The following GPR158 variants were observed in gnomAD, a reference collection of about 807,000 sequenced individuals.
GPR158 encodes metabotropic glycine receptor.
In GPR158, 30 loss-of-function variants were observed where a neutral mutation model predicts 78.2. That is an observed-to-expected ratio of 0.38 (90% CI 0.29 to 0.52). The LOEUF (loss-of-function observed/expected upper bound fraction) is 0.52. Among genes scored for constraint, GPR158 ranks in the 20% least tolerant of loss-of-function variants. GPR158 has a pLI of 0.83. For synonymous variants in GPR158, 581 were observed against 591.1 expected (o/e 0.98, Z 0.25); for missense variants, 1,463 against 1,523.5 (o/e 0.96, Z 0.66).
chr10:25,558,967 A>C (rs949398772), intron 6 of GPR158, among the ~76,000 whole-genome samples: 1 of 152,070 alleles, frequency 6.6e-6, no homozygotes, highest in Non-Finnish European at 1.5e-5. Flanking sequence ...GTTTTCTTCT[A>C]TTTGGGAGTT....
intron 2 of GPR158, among the ~76,000 whole-genome samples, chr10:25,292,780 T>C (rs1854458745): frequency 6.6e-6 from 1 of 152,162 alleles, no homozygotes; most frequent in Admixed American, 6.5e-5. Context: ...GAGAAATTTA[T>C]TTCTTAGAAA....
intron 8 of GPR158, among the ~76,000 whole-genome samples, chr10:25,591,090 T>A (rs913816377): frequency 6.6e-6 from 1 of 152,138 alleles, no homozygotes; most frequent in Non-Finnish European, 1.5e-5. Context: ...CCAATCATGC[T>A]ACCCAAAGAT....
Position 25,598,689 on chromosome 10 carries a change from A to G in GPR158, c.3063A>G (p.Ser1021=). Residue 1021 remains serine (S), a synonymous_variant, in exon 11 of 11, where the codon TCA becomes TCG. Coordinates refer to ENST00000376351, the MANE Select transcript of GPR158 (RefSeq NM_020752.3). ...ACCTGACCCCTGGTCCTGTGCCTTC[A>G]GAATCAAAAGTTCAAAAGCACGTAT... ...VYDLTPGPVP[S]ESKVQKHVSI... 3.1e-6 allele frequency: 5 copies of G among 1,614,054 alleles called. No individual in the cohort carries two copies. The highest frequency in any genetic ancestry group is 1.1e-5 in the South Asian group (1 of 91,080).
rs138436327 is a variant in GPR158 at position 25,409,042 on chromosome 10, T to A, written c.1112-3208T>A. On this transcript the variant is annotated intron_variant, in intron 3 of 10. Coordinates refer to ENST00000376351, the MANE Select transcript of GPR158 (RefSeq NM_020752.3). ...CACGTTTTCCCCTTTATCTCCATGATTGACTCAGATTCAAGAAGTCCCTGG... is the reference window on the plus strand; with the variant it reads ...CACGTTTTCCCCTTTATCTCCATGAATGACTCAGATTCAAGAAGTCCCTGG... Among the ~76,000 whole-genome samples, 380 of 152,310 alleles carry A rather than the reference T, an allele frequency of 2.5e-3. 2 individuals are homozygous for A. The Middle Eastern group carries it at 0.034, about 14-fold the overall frequency.
chr10:25,559,490 G>A (rs1370334626), intron 6 of GPR158, among the ~76,000 whole-genome samples: 1 of 152,092 alleles, frequency 6.6e-6, no homozygotes, highest in African/African-American at 2.4e-5. Flanking sequence ...AAAATATTAG[G>A]TGTGAACAGA....
chr10:25,336,949 T>C (rs980602704), intron 2 of GPR158, among the ~76,000 whole-genome samples: 10 of 152,096 alleles, frequency 6.6e-5, no homozygotes, highest in African/African-American at 2.4e-4. Flanking sequence ...CCTTCAATTA[T>C]ATTACTCATT....
rs771062874 is a variant in GPR158, at chr10:25,594,355, T to C, written c.1956T>C (p.His652=). 2 of 1,592,892 alleles carry C rather than the reference T, an allele frequency of 1.3e-6. No homozygotes were observed. Among genetic ancestry groups the C allele is most frequent in the South Asian group, 1.1e-5 (1 of 90,458 alleles). The part of the protein sequence containing the change: ...WMLMLYFAHT[H]LTVTVTIGLL... ...TGATGCTGTATTTTGCACATACTCA[T>C]TTGACTGTGACAGTCACCATTGGGT... Residue 652 remains histidine, a synonymous_variant, in exon 9 of 11, where the codon CAT becomes CAC. Coordinates refer to ENST00000376351, the MANE Select transcript of GPR158 (RefSeq NM_020752.3).
chr10:25,242,179 T>C (rs7077890), intron 2 of GPR158, among the ~76,000 whole-genome samples: 8,280 of 152,254 alleles, frequency 0.054, 786 homozygotes, highest in African/African-American at 0.19. Flanking sequence ...AGGCCACGCT[T>C]AGGGTAATTA....
At chr10:25,205,802 G>C (rs941361644) in intron 1 of GPR158, among the ~76,000 whole-genome samples, 2 of 151,704 alleles carry the variant, frequency 1.3e-5, no homozygotes, top group Non-Finnish European at 2.9e-5. Context: ...AGTGTGTTTG[G>C]TATCATTTTA....
chr10:25,212,042 T>G (rs957086508), intron 1 of GPR158, among the ~76,000 whole-genome samples: 1 of 152,170 alleles, frequency 6.6e-6, no homozygotes, highest in African/African-American at 2.4e-5. Flanking sequence ...CATACAGAAT[T>G]TTGGTAGGTT....
At chr10:25,316,862 T>C (rs1227610146) in intron 2 of GPR158, among the ~76,000 whole-genome samples, 1 of 151,136 alleles carries the variant, frequency 6.6e-6, no homozygotes, top group African/African-American at 2.4e-5. Context: ...TCTTTTGGTA[T>C]ATATTTATAT....
At chr10:25,574,425 T>G (rs897424914) in intron 7 of GPR158, among the ~76,000 whole-genome samples, 8 of 152,246 alleles carry the variant, frequency 5.3e-5, no homozygotes, top group Admixed American at 1.3e-4. Context: ...TTATTAAAAG[T>G]TATTAAAAAG....
chr10:25,241,271 C>CTTTT (rs1853613034), intron 2 of GPR158, among the ~76,000 whole-genome samples: 4 of 75,240 alleles, frequency 5.3e-5, no homozygotes, highest in Non-Finnish European at 1.1e-4. Context: ...TTCTTTCTTT[C>CTTTT]CTTTCTTTCT....
intron 1 of GPR158, among the ~76,000 whole-genome samples, chr10:25,205,790 A>T (rs1702406582): frequency 6.6e-6 from 1 of 151,750 alleles, no homozygotes; most frequent in South Asian, 2.1e-4. Flanking sequence ...CTGTGGTCTG[A>T]GAGTGTGTTT....
intron 2 of GPR158, among the ~76,000 whole-genome samples, chr10:25,279,570 A>T (rs1469690063): frequency 6.6e-6 from 1 of 152,214 alleles, no homozygotes; most frequent in Non-Finnish European, 1.5e-5. Flanking sequence ...CAGTTATTTA[A>T]ATTAAGACAT....
intron 4 of GPR158, among the ~76,000 whole-genome samples, chr10:25,423,232 T>C (rs964231798): frequency 2.6e-5 from 4 of 151,780 alleles, no homozygotes; most frequent in African/African-American, 9.7e-5. Flanking sequence ...CACTAGTTGA[T>C]TGATGGACAT....
chr10:25,179,372 G>A (rs1424421115), intron 1 of GPR158, among the ~76,000 whole-genome samples: 3 of 152,188 alleles, frequency 2.0e-5, no homozygotes, highest in African/African-American at 7.2e-5. Context: ...GTTTACTTGT[G>A]AAGGAGAAAA....
intron 1 of GPR158, among the ~76,000 whole-genome samples, chr10:25,210,261 C>G (rs1013573504): frequency 1.3e-5 from 2 of 152,098 alleles, no homozygotes; most frequent in Non-Finnish European, 2.9e-5. Flanking sequence ...TTTATCCACA[C>G]AAATCTGCTT....
intron 2 of GPR158, among the ~76,000 whole-genome samples, chr10:25,354,649 C>T (rs7088195): frequency 6.6e-6 from 1 of 152,004 alleles, no homozygotes; most frequent in African/African-American, 2.4e-5. Context: ...TTAATTTTGC[C>T]AGTGGGTTTT....
Sources: gnomAD v4.1 joint callset for allele counts (sites outside exome capture counted in the v4.1 genomes callset) on GRCh38, gnomAD v4.1.1 for gene constraint, MANE v1.5 for transcripts, NCBI Gene and HGNC (gene_info 2026-07-23, HGNC 2026-07-21) for gene names.